EYS: variants seen among roughly 807,000 people sequenced by gnomAD.
EYS encodes protein eyes shut homolog.
Under a neutral mutation model 282.1 loss-of-function variants are expected in EYS, and 250 were observed. The ratio of observed to expected loss-of-function variants is 0.89; its 90% confidence interval spans 0.80 to 0.98. The LOEUF is 0.98. Ranked by LOEUF, EYS falls within the 50% of genes least tolerant of loss-of-function variation. EYS has a pLI of 0.00. For synonymous variants in EYS, 1,355 were observed against 1,282.9 expected, an observed-to-expected ratio of 1.06 and a Z score of -1.20; for missense variants, 4,016 against 3,709.0, an observed-to-expected ratio of 1.08 and a Z score of -2.15.
At chr6:64,418,769 G>C (rs1380969564) in intron 28 of EYS, among the ~76,000 whole-genome samples, 2 of 146,948 alleles carry the variant, frequency 1.4e-5, no homozygotes, top group Non-Finnish European at 3.0e-5. Flanking sequence ...TTGAGGGAAG[G>C]TTCTGTCCCA....
At chr6:64,728,563 C>T (rs1771845028) in intron 22 of EYS, among the ~76,000 whole-genome samples, 2 of 152,140 alleles carry the variant, frequency 1.3e-5, no homozygotes, top group African/African-American at 4.8e-5. Context: ...TCTCTATCTC[C>T]TGACCTCGTG....
chr6:65,419,900 C>T (rs534231305), intron 5 of EYS, among the ~76,000 whole-genome samples: 8 of 152,014 alleles, frequency 5.3e-5, no homozygotes, highest in African/African-American at 1.9e-4. Context: ...TATGTTTACA[C>T]TATATTATAA....
intron 2 of EYS, among the ~76,000 whole-genome samples, chr6:65,577,824 T>C (rs1448776181): frequency 4.0e-5 from 6 of 151,072 alleles, no homozygotes; most frequent in Admixed American, 4.0e-4. Context: ...CTAGTTGGTA[T>C]GTGAAAAAAA....
At chr6:64,019,055 G>C (rs2149817098) in intron 33 of EYS, among the ~76,000 whole-genome samples, 1 of 152,254 alleles carries the variant, frequency 6.6e-6, no homozygotes, top group African/African-American at 2.4e-5. Context: ...GATTACAGGT[G>C]TGAGCCACCA....
chr6:65,658,424 A>G (rs776595467), intron 1 of EYS, among the ~76,000 whole-genome samples: 30 of 151,688 alleles, frequency 2.0e-4, no homozygotes, highest in Non-Finnish European at 3.4e-4. Context: ...AATTTAAGAG[A>G]AGACTAATAT....
At chr6:64,072,593 C>T (rs1227030363) in intron 32 of EYS, among the ~76,000 whole-genome samples, 1 of 151,634 alleles carries the variant, frequency 6.6e-6, no homozygotes, top group Admixed American at 6.6e-5. Context: ...TGTTTTTCTC[C>T]TTGGATCTGT....
intron 12 of EYS, among the ~76,000 whole-genome samples, chr6:65,154,422 A>G (rs919525322): frequency 2.0e-5 from 3 of 151,732 alleles, no homozygotes; most frequent in Admixed American, 6.6e-5. Context: ...GTTTTATACA[A>G]TGAAATGCTT....
At chr6:64,118,708 G>A (rs778803853) in intron 31 of EYS, among the ~76,000 whole-genome samples, 1 of 152,054 alleles carries the variant, frequency 6.6e-6, no homozygotes, top group Non-Finnish European at 1.5e-5. Flanking sequence ...ACTAAAAAGT[G>A]CCTGTGTGAC....
intron 36 of EYS, among the ~76,000 whole-genome samples, chr6:63,848,660 A>G (rs1012546482): frequency 2.0e-5 from 3 of 152,058 alleles, no homozygotes; most frequent in Admixed American, 6.5e-5. Flanking sequence ...CCCAGATACT[A>G]TGCTTTTCCC....
At chr6:65,098,154 G>A (rs903011226) in intron 12 of EYS, among the ~76,000 whole-genome samples, 1 of 150,582 alleles carries the variant, frequency 6.6e-6, no homozygotes, top group African/African-American at 2.4e-5. Context: ...AGGAAGAGGC[G>A]CAATATAAGA....
chr6:64,964,529 G>C (rs1376183551), intron 14 of EYS, among the ~76,000 whole-genome samples: 1 of 151,748 alleles, frequency 6.6e-6, no homozygotes, highest in African/African-American at 2.4e-5. Context: ...GTCAATATTT[G>C]TTGATAAAAT....
intron 24 of EYS, among the ~76,000 whole-genome samples, chr6:64,608,096 G>C (rs751227592): frequency 2.6e-5 from 4 of 152,082 alleles, no homozygotes; most frequent in African/African-American, 4.8e-5. Flanking sequence ...TATATCTTTA[G>C]CAGTGTATGA....
chr6:64,861,722 C>T lies in EYS; in HGVS notation c.2992+24975G>A, dbSNP rs112501867. Among the ~76,000 whole-genome samples the T allele has an allele frequency of 7.7e-3, 1,170 of 152,268 alleles. 13 individuals are homozygous for T. Among genetic ancestry groups the T allele is most frequent in the African/African-American group, 0.026 (1,089 of 41,552 alleles). On this transcript the variant is annotated intron_variant, in intron 19 of 42. Transcript: ENST00000503581. Reference sequence around the variant, plus strand: ...TATAATATAACATTCCCACTTCCTCCCTCTCATCACTTATTACATTGCTGT... The same window carrying T: ...TATAATATAACATTCCCACTTCCTCTCTCTCATCACTTATTACATTGCTGT...
chr6:63,739,021 C>T (rs985393447), intron 41 of EYS, among the ~76,000 whole-genome samples: 4 of 152,100 alleles, frequency 2.6e-5, no homozygotes, highest in Admixed American at 6.6e-5. Context: ...AAGATCTTTC[C>T]TTTTTCTCAT....
At chr6:64,269,243 G>T (rs1175718544) in intron 30 of EYS, among the ~76,000 whole-genome samples, 2 of 151,988 alleles carry the variant, frequency 1.3e-5, no homozygotes, top group Non-Finnish European at 2.9e-5. Flanking sequence ...ATCTAAGATG[G>T]AATAGATTAA....
At chr6:65,595,174 A>T (rs13215741) in intron 2 of EYS, among the ~76,000 whole-genome samples, 19,768 of 152,092 alleles carry the variant, frequency 0.13, 1,587 homozygotes, top group South Asian at 0.19. Context: ...TTGTAGGGAC[A>T]TGGATGAAGC....
intron 2 of EYS, among the ~76,000 whole-genome samples, chr6:65,534,364 G>C (rs1315709406): frequency 6.6e-6 from 1 of 152,070 alleles, no homozygotes; most frequent in Non-Finnish European, 1.5e-5. Flanking sequence ...TCTCTGAGTG[G>C]TAAAGAGCTG....
At chr6:64,937,703 T>G (rs529610112) in intron 15 of EYS, among the ~76,000 whole-genome samples, 1 of 151,734 alleles carries the variant, frequency 6.6e-6, no homozygotes, top group East Asian at 1.9e-4. Context: ...AATTATACAT[T>G]CACTTTGGAA....
At chr6:65,086,226 G>A (rs1467201877) in intron 12 of EYS, among the ~76,000 whole-genome samples, 2 of 151,954 alleles carry the variant, frequency 1.3e-5, no homozygotes, top group African/African-American at 4.8e-5. Flanking sequence ...TGAGGCAGGA[G>A]AATTGCTGGA....
Sources: gnomAD v4.1 joint callset for allele counts (sites outside exome capture counted in the v4.1 genomes callset) on GRCh38, gnomAD v4.1.1 for gene constraint, MANE v1.5 for transcripts, NCBI Gene and HGNC (gene_info 2026-07-23, HGNC 2026-07-21) for gene names.